The following CRACD variants were observed in gnomAD, a reference collection of about 807,000 sequenced individuals.
The protein encoded by CRACD is capping protein inhibiting regulator of actin dynamics.
CRACD carries 56 observed loss-of-function variants against 106.8 expected under a neutral mutation model. That is an observed-to-expected ratio of 0.52 (90% confidence interval 0.42 to 0.66). CRACD has a LOEUF of 0.66. CRACD is among the 30% of genes least tolerant of loss of function. The pLI is 0.00. For synonymous variants in CRACD, 754 were observed against 670.8 expected, an observed-to-expected ratio of 1.12 and a Z score of -1.92; for missense variants, 1,730 against 1,623.2, an observed-to-expected ratio of 1.07 and a Z score of -1.13.
rs774305783 is a variant in CRACD, at chr4:56,316,635, C to T, written c.3133C>T (p.Leu1045=). The part of the protein sequence containing the change: ...ATERKPASPP[L]PATQQEKPSQ... ...AGAGAGGAAACCTGCTTCCCCACCTCTGCCTGCCACTCAGCAAGAGAAACC... is the reference window on the plus strand; with the variant it reads ...AGAGAGGAAACCTGCTTCCCCACCTTTGCCTGCCACTCAGCAAGAGAAACC... The change falls in exon 8 of 11, where the codon CTG becomes TTG. Residue 1045 remains leucine, a synonymous_variant. Transcript: ENST00000682029. 2.5e-6 allele frequency: 4 copies of T among 1,612,876 alleles called. No individual in the cohort carries two copies. The highest frequency in any genetic ancestry group is 3.4e-6 in the Non-Finnish European group (4 of 1,179,900).
chr4:56,193,385 T>C (rs373025081), intron 2 of CRACD, among the ~76,000 whole-genome samples: 1 of 152,108 alleles, frequency 6.6e-6, no homozygotes, highest in East Asian at 1.9e-4. Context: ...ATGATCAAAG[T>C]TTGTTATCAT....
intron 3 of CRACD, among the ~76,000 whole-genome samples, chr4:56,281,279 G>A (rs781641562): frequency 2.6e-5 from 4 of 152,134 alleles, no homozygotes; most frequent in South Asian, 2.1e-4. Flanking sequence ...TCTAGGTGGC[G>A]TGCTTTTTCT....
chr4:56,310,853 T>G, intron 6 of CRACD, 119 bp downstream of exon 6: 2 of 649,860 alleles, frequency 3.1e-6, no homozygotes, highest in Non-Finnish European at 5.4e-6. Flanking sequence ...GTTGCCTTCA[T>G]ATATTTAAAT....
intron 2 of CRACD, among the ~76,000 whole-genome samples, chr4:56,185,204 A>T (rs1033973872): frequency 6.6e-6 from 1 of 152,090 alleles, no homozygotes; most frequent in Non-Finnish European, 1.5e-5. Context: ...TGATCTGCCC[A>T]CCTCGGCCTC....
chr4:56,207,283 G>T (rs74883824), intron 2 of CRACD, among the ~76,000 whole-genome samples: 7,903 of 152,236 alleles, frequency 0.052, 622 homozygotes, highest in African/African-American at 0.17. Flanking sequence ...TTTAGCAAAA[G>T]AATTTAAAAC....
chr4:56,320,240 C>T (rs1420523017), intron 8 of CRACD, among the ~76,000 whole-genome samples: 1 of 152,046 alleles, frequency 6.6e-6, no homozygotes, highest in African/African-American at 2.4e-5. Context: ...GCTTAGTATC[C>T]CTTTCTCCAA....
At position 56,223,650 on chromosome 4, in the gene CRACD, A is replaced by G. The variant is rs201996595; in HGVS notation, c.-189+44220A>G. On this transcript the variant is annotated intron_variant, in intron 2 of 10. Coordinates refer to ENST00000682029, the MANE Select transcript of CRACD (RefSeq NM_001393381.1). ...ACTTAAAATGCCATTTTTATCATAT[A>G]TGAAATTCTCAAATGTATTTGGTCT... 2.6e-5 allele frequency among the ~76,000 whole-genome samples: 4 copies of G among 152,202 alleles called. No individual in the cohort carries two copies. The East Asian group carries it at 7.7e-4, about 29-fold the overall frequency.
chr4:56,147,301 A>G (rs1735420842), intron 1 of CRACD, among the ~76,000 whole-genome samples: 2 of 152,224 alleles, frequency 1.3e-5, no homozygotes, highest in East Asian at 1.9e-4. Context: ...AAACGAGCAA[A>G]AAGAGTTTTA....
chr4:56,083,183 C>G (rs1398798763), intron 1 of CRACD, among the ~76,000 whole-genome samples: 2 of 152,118 alleles, frequency 1.3e-5, no homozygotes, highest in Non-Finnish European at 2.9e-5. Context: ...GCAAATAGGA[C>G]CAAATCTTTA....
At chr4:56,080,377 C>T (rs2109807782) in intron 1 of CRACD, among the ~76,000 whole-genome samples, 1 of 152,234 alleles carries the variant, frequency 6.6e-6, no homozygotes, top group African/African-American at 2.4e-5. Flanking sequence ...AACCATTTTA[C>T]ATTCTTTATA....
intron 2 of CRACD, among the ~76,000 whole-genome samples, chr4:56,228,422 G>A (rs1400285045): frequency 1.3e-5 from 2 of 151,938 alleles, no homozygotes; most frequent in Non-Finnish European, 1.5e-5. Context: ...TAGGTGGAAG[G>A]TTACATCTAC....
chr4:56,300,183 C>T lies in CRACD; in HGVS notation c.120+1834C>T, dbSNP rs150929585. Among the ~76,000 whole-genome samples, 545 of 152,190 alleles carry T rather than the reference C, an allele frequency of 3.6e-3. 2 individuals are homozygous for T. The highest frequency in any genetic ancestry group is 0.012 in the African/African-American group (515 of 41,526). ...GTGAGGTGTTCTTGTTTCTATGGAG[C>T]GTAGGCTGTGTATTTTGTGATATTT... On this transcript the variant is annotated intron_variant, in intron 4 of 10. Coordinates refer to ENST00000682029, the MANE Select transcript of CRACD (RefSeq NM_001393381.1).
chr4:56,063,556 C>T (rs1732354750), intron 1 of CRACD, among the ~76,000 whole-genome samples: 1 of 152,076 alleles, frequency 6.6e-6, no homozygotes, highest in Admixed American at 6.6e-5. Context: ...TTACCAGGGG[C>T]AGCCCCTGGT....
chr4:56,319,271 G>T (rs189753957), intron 8 of CRACD, among the ~76,000 whole-genome samples: 1 of 152,168 alleles, frequency 6.6e-6, no homozygotes, highest in East Asian at 1.9e-4. Flanking sequence ...GAATATATGG[G>T]CTATGGGGTC....
intron 1 of CRACD, among the ~76,000 whole-genome samples, chr4:56,131,348 C>T (rs1183057965): frequency 3.9e-5 from 6 of 152,154 alleles, no homozygotes; most frequent in East Asian, 3.8e-4. Context: ...ACATTACAGA[C>T]GATTAAGAGA....
chr4:56,162,283 C>T (rs141868354), intron 1 of CRACD, among the ~76,000 whole-genome samples: 74 of 152,216 alleles, frequency 4.9e-4, no homozygotes, highest in African/African-American at 1.8e-3. Flanking sequence ...TAACCTCTAA[C>T]TCCTGGGCTC....
rs1370214593 is a variant in CRACD at position 56,328,981 on chromosome 4, T to C, written c.*1177T>C. Among the ~76,000 whole-genome samples the C allele has an allele frequency of 1.3e-5, 2 of 152,242 alleles. No individual in the cohort carries two copies. The highest frequency in any genetic ancestry group is 2.9e-5 in the Non-Finnish European group (2 of 68,046). On this transcript the variant is annotated 3_prime_UTR_variant, in exon 11 of 11. Coordinates refer to ENST00000682029, the MANE Select transcript of CRACD (RefSeq NM_001393381.1). The stretch of plus-strand genomic sequence containing the variant: ...GACTTCCTGCAGAAAGTCTTTTCTT[T>C]ACTATAATTGAGTAATTCATATTTA...
At chr4:56,324,298 A>G in intron 10 of CRACD, 32 bp downstream of exon 10, 1 of 1,591,948 alleles carries the variant, frequency 6.3e-7, no homozygotes, top group Non-Finnish European at 8.6e-7. Context: ...TTGTAACTGT[A>G]GTTCCAGGTT....
chr4:56,222,562 G>A (rs1021629250), intron 2 of CRACD, among the ~76,000 whole-genome samples: 3 of 152,034 alleles, frequency 2.0e-5, no homozygotes, highest in Admixed American at 6.6e-5. Flanking sequence ...AGACATATAA[G>A]GTAAATAAAA....
Sources: gnomAD v4.1 joint callset for allele counts (sites outside exome capture counted in the v4.1 genomes callset) on GRCh38, gnomAD v4.1.1 for gene constraint, MANE v1.5 for transcripts, NCBI Gene and HGNC (gene_info 2026-07-23, HGNC 2026-07-21) for gene names.